The following RARB variants were observed in gnomAD, a reference collection of about 807,000 sequenced individuals.
The protein encoded by RARB is HBV-activated protein.
Under a neutral mutation model 51.9 loss-of-function variants are expected in RARB, and 17 were observed. That is an observed-to-expected ratio of 0.33 (90% CI 0.22 to 0.49). The LOEUF (loss-of-function observed/expected upper bound fraction) is 0.49. Ranked by LOEUF, RARB falls within the 20% of genes least tolerant of loss-of-function variation. RARB has a pLI of 0.99. For synonymous variants in RARB, 215 were observed against 195.4 expected (o/e 1.10, Z -0.84); for missense variants, 369 against 550.8 (o/e 0.67, Z 3.30).
chr3:25,157,170 A>T (rs1700388261), intron 4 of RARB, among the ~76,000 whole-genome samples: 1 of 152,216 alleles, frequency 6.6e-6, no homozygotes, highest in Admixed American at 6.5e-5. Context: ...TTCAAAACAA[A>T]TATGGGAAAA....
At chr3:25,298,113 G>A (rs949607588) in intron 5 of RARB, among the ~76,000 whole-genome samples, 2 of 151,808 alleles carry the variant, frequency 1.3e-5, no homozygotes, top group African/African-American at 4.8e-5. Context: ...GTATTTATTT[G>A]TGCAGCTTAC....
chr3:25,475,203 G>A (rs1018293999), intron 2 of RARB, among the ~76,000 whole-genome samples: 1 of 152,032 alleles, frequency 6.6e-6, no homozygotes, highest in Non-Finnish European at 1.5e-5. Context: ...TCTACATCAG[G>A]TATTCCTTTG....
At chr3:24,893,824 T>A (rs1703431843) in intron 2 of RARB, among the ~76,000 whole-genome samples, 1 of 152,176 alleles carries the variant, frequency 6.6e-6, no homozygotes, top group African/African-American at 2.4e-5. Flanking sequence ...CGTGCCCAGC[T>A]GTAAAATTGT....
chr3:25,316,412 T>C (rs1274311127), intron 5 of RARB, among the ~76,000 whole-genome samples: 1 of 151,568 alleles, frequency 6.6e-6, no homozygotes, highest in Non-Finnish European at 1.5e-5. Flanking sequence ...CAAAGTGGAG[T>C]CTGTAAATAT....
chr3:24,899,244 A>G (rs1197521782), intron 2 of RARB, among the ~76,000 whole-genome samples: 2 of 152,176 alleles, frequency 1.3e-5, no homozygotes, highest in Non-Finnish European at 2.9e-5. Context: ...GCCCTGTGTG[A>G]CCGCACAGAT....
chr3:25,365,806 G>T (rs1706101147), intron 5 of RARB, among the ~76,000 whole-genome samples: 1 of 152,142 alleles, frequency 6.6e-6, no homozygotes, highest in African/African-American at 2.4e-5. Context: ...TGTTATGGGG[G>T]CAGCTCCAGT....
At chr3:25,254,149 A>G (rs769650181) in intron 5 of RARB, among the ~76,000 whole-genome samples, 2 of 152,216 alleles carry the variant, frequency 1.3e-5, no homozygotes, top group Non-Finnish European at 2.9e-5. Flanking sequence ...ATTGCTTGAC[A>G]TAACTTCATG....
chr3:25,202,806 G>A (rs1287887913), intron 5 of RARB, among the ~76,000 whole-genome samples: 1 of 152,200 alleles, frequency 6.6e-6, no homozygotes, highest in Non-Finnish European at 1.5e-5. Flanking sequence ...GAGACAGTCT[G>A]TTATAATTTC....
At chr3:25,558,010 T>G (rs191666643) in intron 3 of RARB, among the ~76,000 whole-genome samples, 50 of 152,314 alleles carry the variant, frequency 3.3e-4, no homozygotes, top group Admixed American at 8.5e-4. Context: ...AGTGAATGCA[T>G]ATTTCAAGAT....
At chr3:25,479,906 A>G (rs1696144267) in intron 2 of RARB, among the ~76,000 whole-genome samples, 1 of 152,210 alleles carries the variant, frequency 6.6e-6, no homozygotes, top group African/African-American at 2.4e-5. Context: ...TGCAATAACG[A>G]GGAAGCTGGA....
chr3:24,867,780 C>T (rs1038892670), intron 2 of RARB, among the ~76,000 whole-genome samples: 5 of 151,992 alleles, frequency 3.3e-5, no homozygotes, highest in Non-Finnish European at 7.4e-5. Context: ...TTTAGTGGTC[C>T]ATTAAGTTGA....
intron 3 of RARB, among the ~76,000 whole-genome samples, chr3:25,119,813 C>T (rs1367293785): frequency 6.6e-6 from 1 of 152,082 alleles, no homozygotes; most frequent in Non-Finnish European, 1.5e-5. Flanking sequence ...ATGCCTAGAG[C>T]TGGTGGTCTG....
At chr3:25,333,306 AT>A (rs1348189290) in intron 5 of RARB, among the ~76,000 whole-genome samples, 1 of 152,244 alleles carries the variant, frequency 6.6e-6, no homozygotes. Flanking sequence ...CCAAAACAGC[AT>A]GGTACTGGTA....
At chr3:25,126,785 A>G (rs1358322767) in intron 3 of RARB, among the ~76,000 whole-genome samples, 16 of 152,160 alleles carry the variant, frequency 1.1e-4, no homozygotes, top group Non-Finnish European at 1.9e-4. Flanking sequence ...GTCATGGACA[A>G]TTTCTTTTGA....
At chr3:25,478,953 G>A (rs904140997) in intron 2 of RARB, among the ~76,000 whole-genome samples, 1 of 152,190 alleles carries the variant, frequency 6.6e-6, no homozygotes, top group Non-Finnish European at 1.5e-5. Context: ...TCCTTTTGGG[G>A]AGAGCTATTC....
At chr3:25,173,939 A>G (rs549749208) in intron 4 of RARB, among the ~76,000 whole-genome samples, 4 of 152,296 alleles carry the variant, frequency 2.6e-5, no homozygotes, top group South Asian at 4.1e-4. Flanking sequence ...AAATTGAGTA[A>G]AAGTTGTAGT....
At chr3:25,531,338 A>T (rs1164929051) in intron 3 of RARB, among the ~76,000 whole-genome samples, 2 of 152,146 alleles carry the variant, frequency 1.3e-5, no homozygotes, top group African/African-American at 4.8e-5. Flanking sequence ...GAGAAAGTCA[A>T]GGCCAAGGGG....
At chr3:24,939,068 C>T (rs1695604504) in intron 2 of RARB, among the ~76,000 whole-genome samples, 2 of 151,874 alleles carry the variant, frequency 1.3e-5, no homozygotes, top group Non-Finnish European at 2.9e-5. Context: ...CTGCAACCTC[C>T]GCCTCCCAGG....
chr3:25,349,513 A>G (rs766980193), intron 5 of RARB, among the ~76,000 whole-genome samples: 1 of 152,278 alleles, frequency 6.6e-6, no homozygotes, highest in Non-Finnish European at 1.5e-5. Flanking sequence ...AGGTCAGCAG[A>G]AACATATTGT....
Sources: gnomAD v4.1 joint callset for allele counts (sites outside exome capture counted in the v4.1 genomes callset) on GRCh38, gnomAD v4.1.1 for gene constraint, MANE v1.5 for transcripts, NCBI Gene and HGNC (gene_info 2026-07-23, HGNC 2026-07-21) for gene names.